GALNT13: variants seen among roughly 807,000 people sequenced by gnomAD.
GALNT13 encodes the protein polypeptide N-acetylgalactosaminyltransferase 13, also known as UDP-GalNAc:polypeptide N-acetylgalactosaminyltransferase 13.
Under a neutral mutation model 64.2 loss-of-function variants are expected in GALNT13, and 28 were observed. The observed-to-expected ratio is 0.44, with a 90% CI of 0.32 to 0.60. The LOEUF (loss-of-function observed/expected upper bound fraction) is 0.60. GALNT13 is among the 20% of genes least tolerant of loss of function. The probability of loss-of-function intolerance (pLI) is 0.05; values close to 1 mark genes in which losing one functional copy is unlikely to be tolerated. For synonymous variants in GALNT13, 214 were observed against 224.6 expected (o/e 0.95, Z 0.42); for missense variants, 577 against 669.8 (o/e 0.86, Z 1.53).
intron 2 of GALNT13, among the ~76,000 whole-genome samples, chr2:153,929,551 A>G (rs774669435): frequency 6.6e-6 from 1 of 151,988 alleles, no homozygotes; most frequent in African/African-American, 2.4e-5. Context: ...CTTTATGTCT[A>G]TGTGTACTCA....
chr2:153,259,438 A>G, the GALNT13 span, among the ~76,000 whole-genome samples: 1 of 152,040 alleles, frequency 6.6e-6, no homozygotes, highest in Non-Finnish European at 1.5e-5. Flanking sequence ...ATGTTATTAT[A>G]AATAAGTAAA....
intron 9 of GALNT13, among the ~76,000 whole-genome samples, chr2:154,340,145 T>C (rs1369647517): frequency 6.6e-6 from 1 of 152,160 alleles, no homozygotes; most frequent in East Asian, 1.9e-4. Context: ...CCATTGGCTG[T>C]GCAGATCTCT....
intron 8 of GALNT13, among the ~76,000 whole-genome samples, chr2:154,289,985 T>G (rs1031404181): frequency 6.6e-6 from 1 of 152,216 alleles, no homozygotes; most frequent in Non-Finnish European, 1.5e-5. Context: ...CCCTGTGGTC[T>G]AGGAGACTCA....
chr2:154,064,617 A>G (rs1235302791), intron 3 of GALNT13, among the ~76,000 whole-genome samples: 2 of 152,034 alleles, frequency 1.3e-5, no homozygotes, highest in Non-Finnish European at 2.9e-5. Flanking sequence ...ATATTTCTAG[A>G]CACACCATGG....
intron 3 of GALNT13, among the ~76,000 whole-genome samples, chr2:153,951,391 G>A (rs1467177625): frequency 6.6e-6 from 1 of 152,136 alleles, no homozygotes; most frequent in Admixed American, 6.6e-5. Context: ...AGGAGGTCTG[G>A]GTAGGAGTCT....
chr2:153,295,527 TAAAAA>T, the GALNT13 span, among the ~76,000 whole-genome samples: 1 of 139,744 alleles, frequency 7.2e-6, no homozygotes. Context: ...CTGGAGTACC[TAAAAA>T]AAAAAAAAAA....
chr2:154,159,776 A>G (rs1684629124), intron 4 of GALNT13, among the ~76,000 whole-genome samples: 2 of 152,192 alleles, frequency 1.3e-5, no homozygotes, highest in South Asian at 2.1e-4. Context: ...AGTGTGCACT[A>G]TAACAAATCA....
the GALNT13 span, among the ~76,000 whole-genome samples, chr2:153,834,717 A>G: frequency 6.6e-6 from 1 of 152,084 alleles, no homozygotes; most frequent in South Asian, 2.1e-4. Flanking sequence ...TATAGTACAC[A>G]TTGATTTTCT....
the GALNT13 span, among the ~76,000 whole-genome samples, chr2:153,864,182 A>G: frequency 6.6e-6 from 1 of 152,136 alleles, no homozygotes; most frequent in African/African-American, 2.4e-5. Context: ...TGGCATTACC[A>G]CAAATTTTGT....
At chr2:153,701,562 A>G in the GALNT13 span, among the ~76,000 whole-genome samples, 1 of 152,216 alleles carries the variant, frequency 6.6e-6, no homozygotes, top group Non-Finnish European at 1.5e-5. Context: ...CAGGCAACCT[A>G]CTGAATGAGA....
At chr2:154,327,648 A>G (rs78217719) in intron 9 of GALNT13, among the ~76,000 whole-genome samples, 10,886 of 152,186 alleles carry the variant, frequency 0.072, 480 homozygotes, top group African/African-American at 0.11. Context: ...CAGAACTTAC[A>G]TAAGTGACCT....
rs1559162296 is a variant in GALNT13, at chr2:154,450,428, T to A, written c.1548T>A (p.His516Gln). 6.2e-7 allele frequency: 1 copy of A among 1,612,166 alleles called. No individual in the cohort carries two copies. Residue 516 changes from histidine to glutamine, a missense_variant, in exon 13 of 13, where the codon CAT (histidine) becomes CAA (glutamine). Physicochemically the swap from His to Gln is conservative, Grantham distance 24. Transcript: ENST00000392825. ...TTTTACAGAGACTCACGTTGCGACA[T>A]GTTAACAGTAACCAATGTCTCGATG... ...EYDAERLTLR[H>Q]VNSNQCLDEP...
the GALNT13 span, among the ~76,000 whole-genome samples, chr2:153,197,917 G>C: frequency 6.6e-6 from 1 of 152,178 alleles, no homozygotes; most frequent in Non-Finnish European, 1.5e-5. Flanking sequence ...CAGGCAGGGG[G>C]GTTTCAGGCT....
the GALNT13 span, among the ~76,000 whole-genome samples, chr2:153,785,735 C>T: frequency 6.6e-6 from 1 of 151,944 alleles, no homozygotes; most frequent in East Asian, 2.0e-4. Flanking sequence ...CCAGCCACAC[C>T]CTCTAGGGCT....
chr2:153,271,496 T>A, the GALNT13 span, among the ~76,000 whole-genome samples: 2 of 152,148 alleles, frequency 1.3e-5, no homozygotes, highest in African/African-American at 4.8e-5. Context: ...AACCAAATCA[T>A]GAGTGAACTC....
chr2:154,009,654 T>C (rs1696494112), intron 3 of GALNT13, among the ~76,000 whole-genome samples: 1 of 152,046 alleles, frequency 6.6e-6, no homozygotes. Flanking sequence ...CATGACTGCC[T>C]AATTTTTATA....
intron 9 of GALNT13, among the ~76,000 whole-genome samples, chr2:154,393,994 C>A (rs919755407): frequency 7.9e-4 from 104 of 132,136 alleles, no homozygotes; most frequent in Non-Finnish European, 1.1e-3. Context: ...AGGAGAATGG[C>A]GTGAACCCGG....
At chr2:154,259,592 A>C (rs1222685336) in intron 8 of GALNT13, among the ~76,000 whole-genome samples, 1 of 152,184 alleles carries the variant, frequency 6.6e-6, no homozygotes, top group Non-Finnish European at 1.5e-5. Flanking sequence ...GACCATTTTC[A>C]CTAACATTAT....
intron 3 of GALNT13, among the ~76,000 whole-genome samples, chr2:154,095,732 A>G (rs1310232274): frequency 2.0e-5 from 3 of 151,994 alleles, no homozygotes; most frequent in Non-Finnish European, 2.9e-5. Flanking sequence ...TATCTGAATG[A>G]ATTTTAGGGC....
Sources: gnomAD v4.1 joint callset for allele counts (sites outside exome capture counted in the v4.1 genomes callset) on GRCh38, gnomAD v4.1.1 for gene constraint, MANE v1.5 for transcripts, NCBI Gene and HGNC (gene_info 2026-07-23, HGNC 2026-07-21) for gene names.